CUL3: variants seen among roughly 807,000 people sequenced by gnomAD.
CUL3 encodes the protein cullin 3.
A neutral mutation model predicts 89.1 loss-of-function variants in CUL3; 19 were observed. That is an observed-to-expected ratio of 0.21 (90% confidence interval 0.15 to 0.31). CUL3 has a LOEUF of 0.31. Ranked by LOEUF, CUL3 falls within the 10% of genes least tolerant of loss-of-function variation. The pLI, the probability that CUL3 is intolerant of heterozygous loss-of-function variation, is 1.00. For synonymous variants in CUL3, 351 were observed against 308.4 expected (o/e 1.14, Z -1.45); for missense variants, 469 against 942.3 (o/e 0.50, Z 6.58).
intron 1 of CUL3, among the ~76,000 whole-genome samples, chr2:224,576,449 C>G (rs1156703183): frequency 6.6e-6 from 1 of 152,184 alleles, no homozygotes; most frequent in Non-Finnish European, 1.5e-5. Flanking sequence ...TAACGACCCT[C>G]TACTACATCT....
intron 10 of CUL3, among the ~76,000 whole-genome samples, chr2:224,502,169 G>A (rs1019103418): frequency 8.5e-5 from 13 of 152,234 alleles, no homozygotes; most frequent in Admixed American, 5.9e-4. Flanking sequence ...TCTGGTTTGC[G>A]AGACTATAAG....
At chr2:224,474,648 T>C (rs902189585) in intron 15 of CUL3, 6 of 330,538 alleles carry the variant, frequency 1.8e-5, no homozygotes, top group East Asian at 5.5e-5. Flanking sequence ...ATGCCACCTA[T>C]AGTTTAACCG....
At chr2:224,549,468 G>A (rs1694429861) in intron 2 of CUL3, among the ~76,000 whole-genome samples, 1 of 152,004 alleles carries the variant, frequency 6.6e-6, no homozygotes, top group Non-Finnish European at 1.5e-5. Flanking sequence ...AGTTCTTTGG[G>A]CTAAAACGAC....
At position 224,471,844 on chromosome 2, in the gene CUL3, AAAACT is replaced by A. The variant is rs986480608; in HGVS notation, c.*2396_*2400del. 3.5e-5 allele frequency: 8 copies of A among 229,858 alleles called. No homozygotes were observed. Among genetic ancestry groups the A allele is most frequent in the Non-Finnish European group, 6.9e-5 (8 of 116,086 alleles). 14.2% of individuals were successfully genotyped at this position (229,858 alleles called of 1,614,324 possible). On this transcript the variant is annotated 3_prime_UTR_variant, in exon 16 of 16. Transcript: ENST00000264414. Reference sequence around the variant, plus strand: ...GAGATGACATGATTTTTGCAGTTGAAAAACTATGTATCCACCCTCCTTAAAAGTCT... The same window carrying A: ...GAGATGACATGATTTTTGCAGTTGAAATGTATCCACCCTCCTTAAAAGTCT...
chr2:224,582,388 GGTTA>G (rs958706650), intron 1 of CUL3, among the ~76,000 whole-genome samples: 21 of 152,248 alleles, frequency 1.4e-4, no homozygotes, highest in Admixed American at 5.2e-4. Context: ...ATAAGCACAC[GGTTA>G]GTAAGATAAA....
intron 3 of CUL3, among the ~76,000 whole-genome samples, chr2:224,523,386 A>AT (rs1174682311): frequency 1.8e-5 from 2 of 111,940 alleles, no homozygotes; most frequent in Non-Finnish European, 3.9e-5. Context: ...AAGAGTTACT[A>AT]TAAAAAAAAA....
chr2:224,514,714 A>G lies in CUL3; in HGVS notation c.437T>C (p.Ile146Thr). The G allele has an allele frequency of 6.2e-7, 1 of 1,613,446 alleles. No individual in the cohort carries two copies. The highest frequency in any genetic ancestry group is 8.5e-7 in the Non-Finnish European group (1 of 1,179,500). The change falls in exon 4 of 16, where the codon ATT becomes ACT. Residue 146 changes from isoleucine (I) to threonine (T), a missense_variant. This residue lies in a region of CUL3 where 370 missense variants were observed against 733.2 expected (regional missense o/e 0.50). Coordinates refer to ENST00000264414, the MANE Select transcript of CUL3 (RefSeq NM_003590.5). ...VENVYNLGLIIFRDQVVRYGC... is the reference protein window; with the variant it reads ...VENVYNLGLITFRDQVVRYGC... ...ATAACGTACAACTTGATCTCGAAAA[A>G]TAATTAATCCCAAATTGTAGACGTT... is the stretch of plus-strand genomic sequence containing the variant.
In CUL3 at chr2:224,496,591, G is replaced by A. The variant is rs577972256; in HGVS notation, c.1708-625C>T. On this transcript the variant is annotated intron_variant, in intron 12 of 15. Transcript: ENST00000264414. Reference sequence around the variant, plus strand: ...ACACTATGGGATGATAATAATAATAGACTTACAAAACACCACTACTGTTAT... The same window carrying A: ...ACACTATGGGATGATAATAATAATAAACTTACAAAACACCACTACTGTTAT... Among the ~76,000 whole-genome samples the A allele has an allele frequency of 1.4e-4, 21 of 152,040 alleles. 1 individual carries two copies. The South Asian group carries it at 4.2e-3, about 30-fold the overall frequency.
intron 1 of CUL3, among the ~76,000 whole-genome samples, chr2:224,573,421 G>C (rs1048578879): frequency 6.6e-6 from 1 of 152,064 alleles, no homozygotes; most frequent in Admixed American, 6.5e-5. Flanking sequence ...TACACACTAA[G>C]GTCCCCTTAA....
intron 3 of CUL3, among the ~76,000 whole-genome samples, chr2:224,527,793 A>C (rs946317437): frequency 3.3e-5 from 5 of 152,164 alleles, no homozygotes; most frequent in Middle Eastern, 6.8e-3. Flanking sequence ...TATTTCATGG[A>C]CCATATGAGA....
chr2:224,493,802 T>G (rs1559344537), intron 13 of CUL3, among the ~76,000 whole-genome samples: 1 of 152,094 alleles, frequency 6.6e-6, no homozygotes, highest in African/African-American at 2.4e-5. Flanking sequence ...AGCCGCAGAT[T>G]AAAAAAATGA....
chr2:224,516,384 T>C (rs1274210331), intron 3 of CUL3, among the ~76,000 whole-genome samples: 3 of 150,820 alleles, frequency 2.0e-5, no homozygotes, highest in Non-Finnish European at 3.0e-5. Context: ...TGGCGTGACC[T>C]TGGCTCACTG....
intron 7 of CUL3, 57 bp from the exon 8 acceptor site, chr2:224,506,189 C>T: frequency 2.7e-6 from 3 of 1,121,354 alleles, no homozygotes; most frequent in Non-Finnish European, 3.7e-6. Flanking sequence ...ATAAATAATA[C>T]ACTTATGACC....
At chr2:224,517,748 A>T (rs1182243357) in intron 3 of CUL3, among the ~76,000 whole-genome samples, 1 of 152,218 alleles carries the variant, frequency 6.6e-6, no homozygotes, top group Non-Finnish European at 1.5e-5. Flanking sequence ...ATTAAGGTGA[A>T]GCATGAACTA....
chr2:224,512,252 C>T (rs552072728), intron 5 of CUL3, among the ~76,000 whole-genome samples: 19 of 152,118 alleles, frequency 1.2e-4, no homozygotes, highest in South Asian at 6.2e-4. Context: ...CCCGCCACCA[C>T]GCCCGGCTAA....
chr2:224,474,176 G>A lies in CUL3; in HGVS notation c.*69C>T. 6.8e-7 allele frequency: 1 copy of A among 1,476,686 alleles called. No individual in the cohort carries two copies. Among genetic ancestry groups the A allele is most frequent in the Non-Finnish European group, 9.2e-7 (1 of 1,085,900 alleles). 91.5% of individuals were successfully genotyped at this position (1,476,686 alleles called of 1,614,324 possible). A position where few individuals can be genotyped will look rare whatever the true frequency, so the allele number is the denominator to read the frequency against. ...AGAGATGGTCGTCTTAATATTTAAT[G>A]ATTTAAAAGAACTTCCCAGTCCATG... On this transcript the variant is annotated 3_prime_UTR_variant, in exon 16 of 16. Coordinates refer to ENST00000264414, the MANE Select transcript of CUL3 (RefSeq NM_003590.5).
At chr2:224,564,153 G>A (rs1410361342) in intron 1 of CUL3, among the ~76,000 whole-genome samples, 1 of 152,036 alleles carries the variant, frequency 6.6e-6, no homozygotes, top group African/African-American at 2.4e-5. Context: ...GAGTGCAGTG[G>A]CACACACCTG....
At chr2:224,536,529 T>C (rs1693905322) in intron 2 of CUL3, among the ~76,000 whole-genome samples, 1 of 152,226 alleles carries the variant, frequency 6.6e-6, no homozygotes, top group Non-Finnish European at 1.5e-5. Flanking sequence ...ATCTTTTCCA[T>C]GTGTATATCC....
chr2:224,482,514 G>A (rs1436849168), intron 13 of CUL3, among the ~76,000 whole-genome samples: 1 of 151,888 alleles, frequency 6.6e-6, no homozygotes. Flanking sequence ...GTAAGCCTGA[G>A]CTCAGGCCTT....
Sources: allele counts gnomAD v4.1 joint callset (sites outside exome capture counted in the v4.1 genomes callset), GRCh38; gene constraint gnomAD v4.1.1; regional missense constraint gnomAD v4.1.1; transcripts MANE v1.5; gene names NCBI Gene and HGNC (gene_info 2026-07-23, HGNC 2026-07-21).